CACNA1B: variants seen among roughly 807,000 people sequenced by gnomAD.
CACNA1B encodes the protein voltage-dependent N-type calcium channel subunit alpha-1B.
In CACNA1B, 70 loss-of-function variants were observed where a neutral mutation model predicts 247.2. The ratio of observed to expected loss-of-function variants is 0.28; its 90% CI spans 0.23 to 0.35. The LOEUF is 0.35. Ranked by LOEUF, CACNA1B falls within the 10% of genes least tolerant of loss-of-function variation. The pLI is 1.00. For missense variants in CACNA1B, 2,367 were observed against 3,197.4 expected (o/e 0.74, Z 6.26); for synonymous variants, 1,231 against 1,294.4 (o/e 0.95, Z 1.05).
intron 26 of CACNA1B, among the ~76,000 whole-genome samples, chr9:138,055,758 G>C (rs1959472150): frequency 6.6e-6 from 1 of 152,174 alleles, no homozygotes; most frequent in African/African-American, 2.4e-5. Context: ...CAGGCGCGGT[G>C]GCTCACGCCT....
In CACNA1B at chr9:137,888,264, C is replaced by T. The variant is rs1203827139; in HGVS notation, c.530+5381C>T. 6.6e-6 allele frequency among the ~76,000 whole-genome samples: 1 copy of T among 151,994 alleles called. No homozygotes were observed. Among genetic ancestry groups the T allele is most frequent in the African/African-American group, 2.4e-5 (1 of 41,390 alleles). On this transcript the variant is annotated intron_variant, in intron 3 of 46. Coordinates refer to ENST00000371372, the MANE Select transcript of CACNA1B (RefSeq NM_000718.4). The surrounding 1 kb of genome is among the most constrained non-coding windows in gnomAD (Gnocchi z 4.7). ...GGTGCCTCCGGAGTCTGTCACCCAT[C>T]GGCGCAGGTGCCTTTCCCCTTCCGT... is the stretch of plus-strand genomic sequence containing the variant.
intron 15 of CACNA1B, among the ~76,000 whole-genome samples, chr9:138,001,020 A>T (rs1050209432): frequency 1.3e-5 from 2 of 152,082 alleles, no homozygotes; most frequent in African/African-American, 4.8e-5. Flanking sequence ...TTTTATCTGC[A>T]TCACAAATGT....
At position 137,882,790 on chromosome 9, in the gene CACNA1B, G is replaced by C; in HGVS notation, c.437G>C (p.Gly146Ala). 6.2e-7 allele frequency: 1 copy of C among 1,613,944 alleles called. No homozygotes were observed. The highest frequency in any genetic ancestry group is 8.5e-7 in the Non-Finnish European group (1 of 1,179,844). Residue 146 changes from glycine (G) to alanine (A), a missense_variant, in exon 3 of 47, where the codon GGG becomes GCG. Coordinates refer to ENST00000371372, the MANE Select transcript of CACNA1B (RefSeq NM_000718.4). The surrounding 1 kb of genome is among the most constrained non-coding windows in gnomAD (Gnocchi z 4.0). Reference protein sequence around the residue: ...YFIGIFCFEAGIKIIALGFVF... With the variant: ...YFIGIFCFEAAIKIIALGFVF... Reference sequence around the variant, plus strand: ...ATCGGGATCTTTTGCTTCGAGGCAGGGATCAAAATCATCGCTCTGGGCTTT... The same window carrying C: ...ATCGGGATCTTTTGCTTCGAGGCAGCGATCAAAATCATCGCTCTGGGCTTT...
chr9:137,975,284 A>C (rs1054135194), intron 11 of CACNA1B, among the ~76,000 whole-genome samples: 3 of 152,200 alleles, frequency 2.0e-5, no homozygotes, highest in Non-Finnish European at 4.4e-5. Context: ...GCAAGGGGAC[A>C]GTGCCTCTTG....
intron 3 of CACNA1B, among the ~76,000 whole-genome samples, chr9:137,897,120 C>CT (rs1447998520): frequency 2.0e-5 from 3 of 151,926 alleles, no homozygotes; most frequent in Non-Finnish European, 4.4e-5. Flanking sequence ...TTGATTTTCT[C>CT]TTTTTTGCTT....
intron 3 of CACNA1B, among the ~76,000 whole-genome samples, chr9:137,896,484 G>A (rs1048482572): frequency 6.6e-6 from 1 of 152,186 alleles, no homozygotes; most frequent in Non-Finnish European, 1.5e-5. Context: ...GAATAGACAT[G>A]GTTGTGGTAT....
intron 36 of CACNA1B, among the ~76,000 whole-genome samples, chr9:138,095,820 G>C (rs1389119690): frequency 6.6e-6 from 1 of 152,030 alleles, no homozygotes; most frequent in African/African-American, 2.4e-5. Flanking sequence ...GATGAACCTT[G>C]AAAACATTAA....
In CACNA1B at chr9:137,891,960, G is replaced by A. The variant is rs568508396; in HGVS notation, c.530+9077G>A. 6.9e-6 allele frequency: 3 copies of A among 434,892 alleles called. No individual in the cohort carries two copies. Among genetic ancestry groups the A allele is most frequent in the Non-Finnish European group, 9.3e-6 (2 of 214,910 alleles). 26.9% of individuals were successfully genotyped at this position (434,892 alleles called of 1,614,324 possible). A position where few individuals can be genotyped will look rare whatever the true frequency, so the allele number is the denominator to read the frequency against. ...CCTTCTAGCCAATGCCACCCTCCCTGTCTCCCCTGAGAGCACAGGAGCCTG... is the reference window on the plus strand; with the variant it reads ...CCTTCTAGCCAATGCCACCCTCCCTATCTCCCCTGAGAGCACAGGAGCCTG... On this transcript the variant is annotated intron_variant, in intron 3 of 46. Transcript: ENST00000371372. This position sits in a 1 kb window ranked among gnomAD's most constrained non-coding sequence, Gnocchi z 4.3.
intron 18 of CACNA1B, among the ~76,000 whole-genome samples, chr9:138,021,667 G>A (rs947581789): frequency 1.5e-4 from 23 of 152,252 alleles, no homozygotes; most frequent in Non-Finnish European, 2.9e-4. Flanking sequence ...GCCCTTGCCT[G>A]TGTCTGATCC....
chr9:137,986,067 G>T lies in CACNA1B; in HGVS notation c.1770-346G>T, dbSNP rs1208754819. ...GTCTGAGACACTTGGTGGCTGACTG[G>T]GTGTTGAGGAGTGAGGGGCAGGGAG... On this transcript the variant is annotated intron_variant, in intron 13 of 46. Transcript: ENST00000371372. This position sits in a 1 kb window ranked among gnomAD's most constrained non-coding sequence, Gnocchi z 6.0. 6.6e-6 allele frequency among the ~76,000 whole-genome samples: 1 copy of T among 152,206 alleles called. No individual in the cohort carries two copies. Among genetic ancestry groups the T allele is most frequent in the Admixed American group, 6.5e-5 (1 of 15,292 alleles).
intron 6 of CACNA1B, among the ~76,000 whole-genome samples, chr9:137,924,325 C>T (rs896864135): frequency 2.0e-5 from 3 of 149,706 alleles, no homozygotes; most frequent in Non-Finnish European, 3.0e-5. Context: ...TCTTTCCTTC[C>T]TCCCTCCCTT....
rs912304591 is a variant in CACNA1B at position 138,010,909 on chromosome 9, A to T, written c.2160+832A>T. ...TTCTGTCCATGGGCAGCAGAGATGCAGGTGTGCCACAGAGCTTCTCCAAGA... is the reference window on the plus strand; with the variant it reads ...TTCTGTCCATGGGCAGCAGAGATGCTGGTGTGCCACAGAGCTTCTCCAAGA... On this transcript the variant is annotated intron_variant, in intron 17 of 46. Transcript: ENST00000371372. The surrounding 1 kb of genome is among the most constrained non-coding windows in gnomAD (Gnocchi z 5.3). 6.6e-6 allele frequency among the ~76,000 whole-genome samples: 1 copy of T among 152,142 alleles called. No homozygotes were observed. The highest frequency in any genetic ancestry group is 2.4e-5 in the African/African-American group (1 of 41,422).
Position 137,973,405 on chromosome 9 carries a change from C to T in CACNA1B, c.1543+1813C>T, listed in dbSNP as rs1180405940. 1.3e-5 allele frequency among the ~76,000 whole-genome samples: 2 copies of T among 152,162 alleles called. No homozygotes were observed. Among genetic ancestry groups the T allele is most frequent in the Non-Finnish European group, 2.9e-5 (2 of 68,020 alleles). ...CTAGAGCAGCTTTGCAGGGGCTCAT[C>T]GTGGGTTCTGTGCACCTCGGCTGTC... On this transcript the variant is annotated intron_variant, in intron 11 of 46. Coordinates refer to ENST00000371372, the MANE Select transcript of CACNA1B (RefSeq NM_000718.4). The surrounding 1 kb of genome is among the most constrained non-coding windows in gnomAD (Gnocchi z 4.1).
At chr9:137,896,555 T>A (rs1957175783) in intron 3 of CACNA1B, among the ~76,000 whole-genome samples, 1 of 152,234 alleles carries the variant, frequency 6.6e-6, no homozygotes. Context: ...TTTTTACATA[T>A]GTATTCATGA....
At chr9:138,116,063 A>G (rs1961856974) in intron 42 of CACNA1B, among the ~76,000 whole-genome samples, 1 of 152,146 alleles carries the variant, frequency 6.6e-6, no homozygotes, top group Non-Finnish European at 1.5e-5. Context: ...TTAGACCACC[A>G]CGTCCCATTC....
intron 36 of CACNA1B, among the ~76,000 whole-genome samples, chr9:138,092,551 C>G (rs1960913737): frequency 6.6e-6 from 1 of 152,204 alleles, no homozygotes; most frequent in Non-Finnish European, 1.5e-5. Context: ...ATCGTTCAAA[C>G]ACACATGTTT....
chr9:137,975,342 C>T (rs907470273), intron 11 of CACNA1B, among the ~76,000 whole-genome samples: 10 of 152,088 alleles, frequency 6.6e-5, no homozygotes, highest in Non-Finnish European at 1.0e-4. Flanking sequence ...GGTCTACCCT[C>T]GGGGCAGCAA....
chr9:138,077,998 A>C (rs1468266677), intron 35 of CACNA1B, 116 bp from the exon 36 acceptor site: 2 of 785,444 alleles, frequency 2.5e-6, no homozygotes, highest in Non-Finnish European at 4.0e-6. Flanking sequence ...GGCCTGGCAC[A>C]TGTGTGAGCT....
intron 10 of CACNA1B, among the ~76,000 whole-genome samples, chr9:137,964,595 G>A (rs1409785940): frequency 6.6e-6 from 1 of 152,098 alleles, no homozygotes; most frequent in African/African-American, 2.4e-5. Context: ...TTCCTGTATT[G>A]TTTTATCATG....
Sources: allele counts gnomAD v4.1 joint callset (sites outside exome capture counted in the v4.1 genomes callset), GRCh38; gene constraint gnomAD v4.1.1; non-coding constraint Gnocchi (gnomAD v3.1); transcripts MANE v1.5; gene names NCBI Gene and HGNC (gene_info 2026-07-23, HGNC 2026-07-21).